The following ERCC8 variants were observed in gnomAD, a reference collection of about 807,000 sequenced individuals.
The protein encoded by ERCC8 is DNA excision repair protein ERCC-8.
ERCC8 carries 52 observed loss-of-function variants against 54.9 expected under a neutral mutation model. The ratio of observed to expected loss-of-function variants is 0.95; its 90% confidence interval spans 0.76 to 1.19. The LOEUF (loss-of-function observed/expected upper bound fraction) is 1.19, where lower values mean the gene tolerates loss of function less well. Among genes scored for constraint, ERCC8 ranks in the 50% most tolerant of loss-of-function variants. ERCC8 has a pLI of 0.00. For missense variants in ERCC8, 514 were observed against 466.1 expected (o/e 1.10, Z -0.95); for synonymous variants, 146 against 157.2 (o/e 0.93, Z 0.53).
intron 1 of ERCC8, among the ~76,000 whole-genome samples, chr5:60,932,756 C>T (rs1315497122): frequency 6.6e-6 from 1 of 152,026 alleles, no homozygotes; most frequent in Non-Finnish European, 1.5e-5. Context: ...ATCATAAAAC[C>T]TGGGGATGGT....
At chr5:60,886,169 G>A (rs1172786843) in intron 11 of ERCC8, among the ~76,000 whole-genome samples, 1 of 151,880 alleles carries the variant, frequency 6.6e-6, no homozygotes, top group African/African-American at 2.4e-5. Flanking sequence ...ACCTTGGTGG[G>A]AGAGAAACCA....
intron 11 of ERCC8, among the ~76,000 whole-genome samples, chr5:60,884,617 C>T (rs1458165729): frequency 4.0e-5 from 6 of 148,642 alleles, no homozygotes; most frequent in Admixed American, 3.4e-4. Flanking sequence ...GATAAAAGCA[C>T]TTTTAAACAT....
intron 11 of ERCC8, among the ~76,000 whole-genome samples, chr5:60,886,810 A>G (rs1554072474): frequency 6.6e-6 from 1 of 152,072 alleles, no homozygotes; most frequent in Non-Finnish European, 1.5e-5. Flanking sequence ...CACTTTTAGG[A>G]ATCTATCTAA....
intron 4 of ERCC8, among the ~76,000 whole-genome samples, chr5:60,909,307 C>G (rs1749182564): frequency 8.2e-6 from 1 of 121,952 alleles, no homozygotes; most frequent in Non-Finnish European, 1.6e-5. Flanking sequence ...GACATGGACC[C>G]TTCAATGATA....
Position 60,931,770 on chromosome 5 carries a change from G to A in ERCC8, c.78-2811C>T, listed in dbSNP as rs111621755. Reference sequence around the variant, plus strand: ...TTTTTCAAATTACAACAGAATATATGCTCTTTGTAACAAGTAAAAACAGTA... The same window carrying A: ...TTTTTCAAATTACAACAGAATATATACTCTTTGTAACAAGTAAAAACAGTA... On this transcript the variant is annotated intron_variant, in intron 1 of 11. Coordinates refer to ENST00000676185, the MANE Select transcript of ERCC8 (RefSeq NM_000082.4). 2.4e-3 allele frequency among the ~76,000 whole-genome samples: 361 copies of A among 151,940 alleles called. 8 individuals carry two copies. The highest frequency in any genetic ancestry group is 8.5e-3 in the African/African-American group (351 of 41,410).
In ERCC8 at chr5:60,890,975, A is replaced by G. The variant is rs1561498364; in HGVS notation, c.955T>C (p.Tyr319His). 1 of 1,613,260 alleles carries G rather than the reference A, an allele frequency of 6.2e-7. No individual in the cohort carries two copies. Among genetic ancestry groups the G allele is most frequent in the Non-Finnish European group, 8.5e-7 (1 of 1,179,334 alleles). Reference protein sequence around the residue: ...FVPYGSTIAVYTVYSGEQITM... With the variant: ...FVPYGSTIAVHTVYSGEQITM... ...ATCTGTTCTCCTGAGTAAACTGTAT[A>G]AACAGCAATGGTGCTACCATATGGT... The change falls in exon 10 of 12, where the codon TAT becomes CAT. Residue 319 changes from tyrosine (Y) to histidine (H), a missense_variant. Physicochemically the swap from Tyr to His is moderately conservative, Grantham distance 83 (BLOSUM62 2). Transcript: ENST00000676185.
At chr5:60,879,801 G>A (rs1212123826) in intron 11 of ERCC8, among the ~76,000 whole-genome samples, 4 of 152,204 alleles carry the variant, frequency 2.6e-5, no homozygotes, top group South Asian at 2.1e-4. Flanking sequence ...CACACTGATG[G>A]GTCTTGACTC....
chr5:60,893,253 C>A (rs1748620749), intron 9 of ERCC8: 3 of 1,010,174 alleles, frequency 3.0e-6, no homozygotes, highest in Non-Finnish European at 3.2e-6. Context: ...GTGGCCTCGT[C>A]ATCCAGCTGA....
At chr5:60,896,310 G>A (rs997941108) in intron 9 of ERCC8, among the ~76,000 whole-genome samples, 3 of 152,024 alleles carry the variant, frequency 2.0e-5, no homozygotes, top group South Asian at 2.1e-4. Flanking sequence ...TCCACCTCCC[G>A]GGTTCAAGCG....
At position 60,890,876 on chromosome 5, in the gene ERCC8, G is replaced by A. The variant is rs773778782; in HGVS notation, c.1041+13C>T. ...AGCTAGCTGAACATTTTAAATTCCT[G>A]TATCACTCTTACCTGGAAATTTGAC... On this transcript the variant is annotated intron_variant, in intron 10 of 11. Transcript: ENST00000676185. 15 of 1,596,366 alleles carry A rather than the reference G, an allele frequency of 9.4e-6. No homozygotes were observed. In the South Asian group the frequency reaches 1.7e-4, roughly 18 times the overall value.
chr5:60,898,300 A>T lies in ERCC8; in HGVS notation c.819T>A (p.Asn273Lys). The change falls in exon 9 of 12, where the codon AAT becomes AAA. Residue 273 changes from asparagine to lysine, a missense_variant. Coordinates refer to ENST00000676185, the MANE Select transcript of ERCC8 (RefSeq NM_000082.4). ...CAAGTGTGTTTTCTCCATTGGAACT[A>T]TTCCAGAGCCTCATTCGATTATCTG... is the stretch of plus-strand genomic sequence containing the variant. ...VGTDNRMRLWNSSNGENTLVN... is the reference protein window; with the variant it reads ...VGTDNRMRLWKSSNGENTLVN... 1 of 1,613,680 alleles carries T rather than the reference A, an allele frequency of 6.2e-7. No homozygotes were observed. Among genetic ancestry groups the T allele is most frequent in the South Asian group, 1.1e-5 (1 of 91,068 alleles).
intron 7 of ERCC8, chr5:60,900,923 T>C (rs757671582): frequency 5.3e-5 from 8 of 152,012 alleles, no homozygotes; most frequent in African/African-American, 9.7e-5. Context: ...TCATACCTCT[T>C]CAGCTAGCCT....
chr5:60,888,732 T>C (rs546344141), intron 10 of ERCC8, among the ~76,000 whole-genome samples: 12 of 152,208 alleles, frequency 7.9e-5, no homozygotes, highest in Non-Finnish European at 1.6e-4. Flanking sequence ...AAGACTTCTT[T>C]TCCCCCTTGA....
intron 9 of ERCC8, among the ~76,000 whole-genome samples, chr5:60,896,659 G>T (rs1286198593): frequency 1.3e-5 from 2 of 152,110 alleles, no homozygotes; most frequent in Non-Finnish European, 2.9e-5. Flanking sequence ...CAGTTTCTGG[G>T]ATACCTTAGT....
At chr5:60,887,390 A>T in intron 11 of ERCC8, 50 bp downstream of exon 11, 2 of 1,429,120 alleles carry the variant, frequency 1.4e-6, no homozygotes, top group East Asian at 4.6e-5. Flanking sequence ...ACAAAACATT[A>T]TTTCTTAAGC....
At chr5:60,884,384 G>A in intron 11 of ERCC8, among the ~76,000 whole-genome samples, 1 of 151,254 alleles carries the variant, frequency 6.6e-6, no homozygotes, top group Non-Finnish European at 1.5e-5. Context: ...GCTGAGGCAG[G>A]AGAATGGCGT....
chr5:60,874,177 AACT>A lies in ERCC8; in HGVS notation c.*435_*437del, dbSNP rs1322357088. 6.5e-6 allele frequency: 1 copy of A among 154,422 alleles called. No individual in the cohort carries two copies. The highest frequency in any genetic ancestry group is 6.5e-5 in the Admixed American group (1 of 15,484). 9.6% of individuals were successfully genotyped at this position (154,422 alleles called of 1,614,324 possible). A position where few individuals can be genotyped will look rare whatever the true frequency, so the allele number is the denominator to read the frequency against. ...AAAATAATTTTGATGTTACCATTTCAACTACTATTTTTGATATAATCATTCTTG... is the reference window on the plus strand; with the variant it reads ...AAAATAATTTTGATGTTACCATTTCAACTATTTTTGATATAATCATTCTTG... On this transcript the variant is annotated 3_prime_UTR_variant, in exon 12 of 12. Transcript: ENST00000676185.
chr5:60,916,528 C>T (rs540393830), intron 4 of ERCC8, among the ~76,000 whole-genome samples: 1 of 152,016 alleles, frequency 6.6e-6, no homozygotes, highest in Non-Finnish European at 1.5e-5. Context: ...GGTTTGGCTA[C>T]AAGATATTCC....
chr5:60,943,257 C>G (rs1162756687), intron 1 of ERCC8, among the ~76,000 whole-genome samples: 2 of 151,954 alleles, frequency 1.3e-5, no homozygotes, highest in East Asian at 3.8e-4. Context: ...GGTGACAGAG[C>G]AAGACCCTGC....
Sources: allele counts gnomAD v4.1 joint callset (sites outside exome capture counted in the v4.1 genomes callset), GRCh38; gene constraint gnomAD v4.1.1; transcripts MANE v1.5; gene names NCBI Gene and HGNC (gene_info 2026-07-23, HGNC 2026-07-21).